The following BIN3 variants were observed in gnomAD, a reference collection of about 807,000 sequenced individuals.
BIN3 encodes bridging integrator 3.
BIN3 carries 41 observed loss-of-function variants against 38.2 expected under a neutral mutation model. That is an observed-to-expected ratio of 1.07 (90% CI 0.84 to 1.39). The LOEUF (loss-of-function observed/expected upper bound fraction) is 1.39. BIN3 is among the 40% of genes most tolerant of loss of function. The pLI, the probability that BIN3 is intolerant of heterozygous loss-of-function variation, is 0.00. For synonymous variants in BIN3, 145 were observed against 122.6 expected (o/e 1.18, Z -1.21); for missense variants, 361 against 324.3 (o/e 1.11, Z -0.87).
At chr8:22,627,365 GC>G (rs1226598239) in intron 6 of BIN3, among the ~76,000 whole-genome samples, 1 of 152,130 alleles carries the variant, frequency 6.6e-6, no homozygotes, top group Non-Finnish European at 1.5e-5. Flanking sequence ...ACCCTTTGAG[GC>G]CCCATCTCCC....
At chr8:22,636,457 T>A in intron 4 of BIN3, 68 bp downstream of exon 4, 1 of 1,491,636 alleles carries the variant, frequency 6.7e-7, no homozygotes, top group South Asian at 1.2e-5. Context: ...CTTGGGGGGC[T>A]GAGAGAGGAG....
In BIN3 at chr8:22,641,392, C is replaced by T. The variant is rs776540994; in HGVS notation, c.57+3363G>A. The stretch of plus-strand genomic sequence containing the variant: ...TGGCAGTGCACAGGTCAGGCCCTGG[C>T]ACAGAGTGGGAACTCAGTATGAAGT... On this transcript the variant is annotated intron_variant, in intron 2 of 8. Transcript: ENST00000276416. Among the ~76,000 whole-genome samples the T allele has an allele frequency of 1.1e-4, 16 of 152,286 alleles. No homozygotes were observed. In the South Asian group the frequency reaches 3.3e-3, roughly 32 times the overall value.
chr8:22,652,556 A>G (rs1281842812), intron 1 of BIN3, among the ~76,000 whole-genome samples: 1 of 152,186 alleles, frequency 6.6e-6, no homozygotes, highest in Admixed American at 6.5e-5. Context: ...TGGCACTCTG[A>G]GGGTGTGCGT....
chr8:22,621,192 C>A lies in BIN3; in HGVS notation c.*230G>T. ...CTGGACGGTTCTCCAAATAAAAAAG[C>A]CCCAAGGGTTTGTCTACACTGCTTA... On this transcript the variant is annotated 3_prime_UTR_variant, in exon 9 of 9. Coordinates refer to ENST00000276416, the MANE Select transcript of BIN3 (RefSeq NM_018688.6). The A allele has an allele frequency of 1.8e-6, 1 of 565,528 alleles. No individual in the cohort carries two copies. The highest frequency in any genetic ancestry group is 2.2e-5 in the South Asian group (1 of 46,060). 35.0% of individuals were successfully genotyped at this position (565,528 alleles called of 1,614,324 possible).
intron 8 of BIN3, among the ~76,000 whole-genome samples, 183 bp from the exon 9 acceptor site, chr8:22,621,751 G>C (rs564941941): frequency 7.9e-5 from 12 of 152,304 alleles, no homozygotes; most frequent in African/African-American, 2.9e-4. Context: ...AAAGGAGCCG[G>C]GGAGCAACAG....
chr8:22,649,906 ATG>A (rs1243395812), intron 1 of BIN3, among the ~76,000 whole-genome samples: 16 of 146,170 alleles, frequency 1.1e-4, no homozygotes, highest in Admixed American at 9.4e-4. Flanking sequence ...CAGTGTGTAC[ATG>A]TGTGTGTGCA....
At chr8:22,664,927 C>A (rs1803364321) in intron 1 of BIN3, among the ~76,000 whole-genome samples, 1 of 152,340 alleles carries the variant, frequency 6.6e-6, no homozygotes, top group African/African-American at 2.4e-5. Flanking sequence ...CAGAAGTTTA[C>A]CTTCTTTATA....
At chr8:22,668,967 G>C (rs559168712) in intron 1 of BIN3, 77 bp downstream of exon 1, 11 of 1,539,354 alleles carry the variant, frequency 7.1e-6, no homozygotes, top group Non-Finnish European at 9.7e-6. Context: ...AGGGAGCCGG[G>C]ACGCGGCACT....
intron 1 of BIN3, among the ~76,000 whole-genome samples, chr8:22,662,597 T>A (rs1381195826): frequency 1.3e-5 from 2 of 152,204 alleles, no homozygotes; most frequent in African/African-American, 4.8e-5. Context: ...AGTAACCCTA[T>A]CTTCAGTTGC....
chr8:22,638,849 C>T (rs1802451655), intron 2 of BIN3, among the ~76,000 whole-genome samples: 1 of 152,238 alleles, frequency 6.6e-6, no homozygotes, highest in Admixed American at 6.5e-5. Context: ...TTTCAACAGA[C>T]TCTTTCTCCA....
At chr8:22,632,469 C>T (rs190960230) in intron 4 of BIN3, among the ~76,000 whole-genome samples, 1 of 152,152 alleles carries the variant, frequency 6.6e-6, no homozygotes, top group Admixed American at 6.5e-5. Flanking sequence ...GTTGAAGCAA[C>T]GGAGGGAAAA....
Position 22,624,091 on chromosome 8 carries a change from G to T in BIN3, c.481-42C>A, listed in dbSNP as rs762891626. The T allele has an allele frequency of 5.6e-6, 9 of 1,604,896 alleles. No homozygotes were observed. In the South Asian group the frequency reaches 1.0e-4, roughly 18 times the overall value. ...GGGTGTCAAAACTCTCTCACTGCTG[G>T]GTGCCGGATACGGGATGGGTGGGGT... On this transcript the variant is annotated intron_variant, in intron 7 of 8. Coordinates refer to ENST00000276416, the MANE Select transcript of BIN3 (RefSeq NM_018688.6).
chr8:22,660,709 A>G (rs1289415785), intron 1 of BIN3, among the ~76,000 whole-genome samples: 1 of 152,196 alleles, frequency 6.6e-6, no homozygotes, highest in African/African-American at 2.4e-5. Context: ...AATATTGTAA[A>G]TACACAAAAA....
chr8:22,644,773 T>C lies in BIN3; in HGVS notation c.39A>G (p.Lys13=), dbSNP rs758441530. 5.0e-6 allele frequency: 8 copies of C among 1,611,824 alleles called. No individual in the cohort carries two copies. The change falls in exon 2 of 9, where the codon AAA becomes AAG. Residue 13 remains lysine (K), a synonymous_variant. Coordinates refer to ENST00000276416, the MANE Select transcript of BIN3 (RefSeq NM_018688.6). ...TACTCACTGTTTTGGGCACAATCTGTTTCTTGGGCTGCCCAATCTTAAAAG... is the reference window on the plus strand; with the variant it reads ...TACTCACTGTTTTGGGCACAATCTGCTTCTTGGGCTGCCCAATCTTAAAAG... ...WIPFKIGQPK[K]QIVPKTVERD...
chr8:22,650,596 A>G (rs1344595755), intron 1 of BIN3, among the ~76,000 whole-genome samples: 5 of 152,216 alleles, frequency 3.3e-5, no homozygotes, highest in Non-Finnish European at 7.3e-5. Context: ...CAGTCTAATA[A>G]GGCAACAAGA....
intron 1 of BIN3, among the ~76,000 whole-genome samples, chr8:22,650,973 C>T (rs561134878): frequency 5.9e-5 from 9 of 152,260 alleles, no homozygotes; most frequent in African/African-American, 2.2e-4. Context: ...CCCTTGGGAG[C>T]CAGCAGATTG....
chr8:22,660,990 T>C (rs1409669972), intron 1 of BIN3, among the ~76,000 whole-genome samples: 1 of 152,198 alleles, frequency 6.6e-6, no homozygotes, highest in East Asian at 1.9e-4. Context: ...GCTCCAGCAG[T>C]CCACCTGCCT....
rs769057763 is a variant in BIN3, at chr8:22,630,474, TGGCCGTGTCCAG to T, written c.253_264del (p.Leu85_Ala88del). On this transcript the variant is annotated inframe_deletion, in exon 5 of 9. Coordinates refer to ENST00000276416, the MANE Select transcript of BIN3 (RefSeq NM_018688.6). The stretch of plus-strand genomic sequence containing the variant: ...TGATTGAAGGCATCCATCCGCTTCA[TGGCCGTGTCCAG>T]GGCCGTCACCATGTTCAGAAGGTCC... The T allele has an allele frequency of 2.5e-6, 4 of 1,614,042 alleles. No homozygotes were observed. The highest frequency in any genetic ancestry group is 4.5e-5 in the East Asian group (2 of 44,892).
chr8:22,667,132 G>A (rs1184685418), intron 1 of BIN3, among the ~76,000 whole-genome samples: 1 of 152,180 alleles, frequency 6.6e-6, no homozygotes, highest in Non-Finnish European at 1.5e-5. Flanking sequence ...TCAGCTTTGA[G>A]GGACAAAGCC....
Sources: allele counts gnomAD v4.1 joint callset (sites outside exome capture counted in the v4.1 genomes callset), GRCh38; gene constraint gnomAD v4.1.1; transcripts MANE v1.5; gene names NCBI Gene and HGNC (gene_info 2026-07-23, HGNC 2026-07-21).